HORMAD2: variants seen among roughly 807,000 people sequenced by gnomAD.
The protein encoded by HORMAD2 is HORMA domain containing 2.
A neutral mutation model predicts 38.8 loss-of-function variants in HORMAD2; 45 were observed. That is an observed-to-expected ratio of 1.16 (90% confidence interval 0.91 to 1.49). The LOEUF is 1.49. Among genes scored for constraint, HORMAD2 ranks in the 40% most tolerant of loss-of-function variants. The pLI, the probability that HORMAD2 is intolerant of heterozygous loss-of-function variation, is 0.00. For missense variants in HORMAD2, 338 were observed against 367.0 expected (o/e 0.92, Z 0.65); for synonymous variants, 126 against 122.8 (o/e 1.03, Z -0.17).
chr22:30,201,727 T>C, the HORMAD2 span, among the ~76,000 whole-genome samples: 2 of 152,034 alleles, frequency 1.3e-5, no homozygotes, highest in Non-Finnish European at 2.9e-5. Context: ...GTTAAGACTT[T>C]AACATACCTT....
At chr22:30,087,345 T>C (rs1275727618) in intron 1 of HORMAD2, among the ~76,000 whole-genome samples, 1 of 152,168 alleles carries the variant, frequency 6.6e-6, no homozygotes, top group Non-Finnish European at 1.5e-5. Context: ...GGTGGAACAG[T>C]CTTATGATCA....
chr22:30,173,200 A>T (rs928143468), intron 10 of HORMAD2, among the ~76,000 whole-genome samples: 3 of 152,226 alleles, frequency 2.0e-5, no homozygotes, highest in Non-Finnish European at 4.4e-5. Flanking sequence ...CCAAGGCCAT[A>T]AAGCACCTAG....
At chr22:30,154,079 C>T (rs1246912817) in intron 10 of HORMAD2, among the ~76,000 whole-genome samples, 1 of 152,150 alleles carries the variant, frequency 6.6e-6, no homozygotes, top group Non-Finnish European at 1.5e-5. Context: ...AAGGCTCTGA[C>T]CTTACCTTCT....
At chr22:30,101,116 A>G (rs574486017) in intron 3 of HORMAD2, among the ~76,000 whole-genome samples, 1 of 152,364 alleles carries the variant, frequency 6.6e-6, no homozygotes, top group South Asian at 2.1e-4. Context: ...TCATTCTATT[A>G]TAAAGACACA....
At chr22:30,178,584 C>A (rs534601558), downstream of HORMAD2, among the ~76,000 whole-genome samples, 1 of 152,332 alleles carries the variant, frequency 6.6e-6, no homozygotes, top group Admixed American at 6.5e-5. Flanking sequence ...GGAAAGAAAT[C>A]TTTTCTCTAT....
At chr22:30,134,871 CAAAT>C (rs1923552215) in intron 10 of HORMAD2, among the ~76,000 whole-genome samples, 1 of 151,968 alleles carries the variant, frequency 6.6e-6, no homozygotes, top group South Asian at 2.1e-4. Context: ...GAGAAACAAA[CAAAT>C]AGCTATTTAT....
At chr22:30,172,314 G>A (rs1047782728) in intron 10 of HORMAD2, among the ~76,000 whole-genome samples, 1 of 152,132 alleles carries the variant, frequency 6.6e-6, no homozygotes, top group African/African-American at 2.4e-5. Context: ...CATGCACATA[G>A]CTGACACTCA....
At chr22:30,079,121 T>C (rs2068426486), upstream of HORMAD2, among the ~76,000 whole-genome samples, 1 of 152,198 alleles carries the variant, frequency 6.6e-6, no homozygotes, top group Non-Finnish European at 1.5e-5. Flanking sequence ...TGAATAGTTT[T>C]TTTTTTCTTT....
intron 1 of HORMAD2, among the ~76,000 whole-genome samples, chr22:30,081,870 C>T (rs1010806846): frequency 1.3e-5 from 2 of 152,122 alleles, no homozygotes; most frequent in Admixed American, 6.5e-5. Context: ...CAGGTGTGAG[C>T]CACTGCACCT....
intron 10 of HORMAD2, among the ~76,000 whole-genome samples, chr22:30,165,344 C>T (rs888040482): frequency 6.6e-6 from 1 of 152,136 alleles, no homozygotes; most frequent in African/African-American, 2.4e-5. Context: ...AATGTGAGAC[C>T]TCCAACTTTG....
intron 8 of HORMAD2, 70 bp from the exon 9 acceptor site, chr22:30,121,562 G>A: frequency 8.0e-7 from 1 of 1,243,586 alleles, no homozygotes; most frequent in Non-Finnish European, 1.1e-6. Context: ...ATAGTCAAAA[G>A]TTTTGTTCCT....
rs1204494022 is a variant in HORMAD2, at chr22:30,176,867, C to T, written c.*700C>T. On this transcript the variant is annotated 3_prime_UTR_variant, in exon 11 of 11. Coordinates refer to ENST00000336726, the MANE Select transcript of HORMAD2 (RefSeq NM_152510.4). ...ACCTGCAAATGATGCTATTAGTTCC[C>T]TCCTTATTCTGGAAGAATTTGGATA... 6.5e-6 allele frequency: 1 copy of T among 152,726 alleles called. No homozygotes were observed. Among genetic ancestry groups the T allele is most frequent in the Non-Finnish European group, 1.5e-5 (1 of 68,038 alleles). 9.5% of individuals were successfully genotyped at this position (152,726 alleles called of 1,614,324 possible).
the HORMAD2 span, among the ~76,000 whole-genome samples, chr22:30,189,998 G>A: frequency 6.6e-6 from 1 of 151,932 alleles, no homozygotes; most frequent in African/African-American, 2.4e-5. Flanking sequence ...TCCTACTAGG[G>A]GTCCAATTTG....
chr22:30,122,028 T>A lies in HORMAD2; in HGVS notation c.633T>A (p.Phe211Leu). 1 of 1,613,378 alleles carries A rather than the reference T, an allele frequency of 6.2e-7. No individual in the cohort carries two copies. Among genetic ancestry groups the A allele is most frequent in the Non-Finnish European group, 8.5e-7 (1 of 1,179,646 alleles). ...KEGVNSHFLLFDKEPINVQVG... is the reference protein window; with the variant it reads ...KEGVNSHFLLLDKEPINVQVG... ...GGGTAAATTCACACTTCCTGCTGTT[T>A]GACAAGGAGCCTATCAACGTGCAAG... Residue 211 changes from phenylalanine (F) to leucine (L), a missense_variant, in exon 10 of 11, where the codon TTT becomes TTA. Transcript: ENST00000336726.
chr22:30,138,968 C>T (rs1250075190), intron 10 of HORMAD2, among the ~76,000 whole-genome samples: 1 of 151,844 alleles, frequency 6.6e-6, no homozygotes, highest in African/African-American at 2.4e-5. Context: ...ACTAACACTC[C>T]ATGATGTGTG....
At chr22:30,110,625 G>T (rs752188243) in intron 5 of HORMAD2, among the ~76,000 whole-genome samples, 5 of 151,738 alleles carry the variant, frequency 3.3e-5, no homozygotes, top group Non-Finnish European at 5.9e-5. Flanking sequence ...AGCTCAGGCA[G>T]TCTACCCACC....
chr22:30,163,602 A>G (rs1034747872), intron 10 of HORMAD2, among the ~76,000 whole-genome samples: 2 of 150,974 alleles, frequency 1.3e-5, no homozygotes, highest in African/African-American at 2.4e-5. Context: ...AATTTTTTGT[A>G]TTTTTTGTAG....
At chr22:30,088,016 C>T (rs1362060003) in intron 1 of HORMAD2, among the ~76,000 whole-genome samples, 2 of 114,562 alleles carry the variant, frequency 1.7e-5, no homozygotes, top group African/African-American at 9.3e-5. Context: ...TACATATATA[C>T]ATATACAGAT....
chr22:30,118,900 G>A, intron 7 of HORMAD2, 80 bp from the exon 8 acceptor site: 7 of 912,012 alleles, frequency 7.7e-6, no homozygotes, highest in East Asian at 2.7e-5. Flanking sequence ...CAGTGAAAAT[G>A]TTCCTTACTT....
Sources: allele counts gnomAD v4.1 joint callset (sites outside exome capture counted in the v4.1 genomes callset), GRCh38; gene constraint gnomAD v4.1.1; transcripts MANE v1.5; gene names NCBI Gene and HGNC (gene_info 2026-07-23, HGNC 2026-07-21).